PTPRN2: variants seen among roughly 807,000 people sequenced by gnomAD.
PTPRN2 encodes receptor-type tyrosine-protein phosphatase N2.
A neutral mutation model predicts 118.8 loss-of-function variants in PTPRN2; 74 were observed. That is an observed-to-expected ratio of 0.62 (90% CI 0.52 to 0.76). PTPRN2 has a LOEUF of 0.76. PTPRN2 is among the 30% of genes least tolerant of loss of function. The pLI is 0.00. For missense variants in PTPRN2, 1,481 were observed against 1,394.4 expected, an observed-to-expected ratio of 1.06 and a Z score of -0.99; for synonymous variants, 641 against 608.0, an observed-to-expected ratio of 1.05 and a Z score of -0.80.
chr7:157,992,097 C>T (rs767797306), intron 11 of PTPRN2, among the ~76,000 whole-genome samples: 1 of 152,206 alleles, frequency 6.6e-6, no homozygotes, highest in African/African-American at 2.4e-5. Context: ...ATGTGCCACC[C>T]GAGCTGTCAG....
chr7:157,853,343 G>A lies in PTPRN2; in HGVS notation c.1788+45330C>T, dbSNP rs111849195. ...GCCTTCTTCTCAACAGGCACGGCCC[G>A]CAGAGCCACTGGAGGTAAGGATCCT... is the stretch of plus-strand genomic sequence containing the variant. On this transcript the variant is annotated intron_variant, in intron 12 of 22. Transcript: ENST00000389418. Among the ~76,000 whole-genome samples the A allele has an allele frequency of 3.6e-3, 555 of 152,220 alleles. 6 individuals are homozygous for A. The highest frequency in any genetic ancestry group is 0.012 in the African/African-American group (515 of 41,524).
At chr7:157,561,381 T>A (rs539385976) in intron 21 of PTPRN2, among the ~76,000 whole-genome samples, 7 of 152,236 alleles carry the variant, frequency 4.6e-5, no homozygotes, top group Non-Finnish European at 8.8e-5. Context: ...TGGCCCTCAG[T>A]TTCCTCTTCC....
rs1412698431 is a variant in PTPRN2, at chr7:157,587,236, A to G, written c.2496+8002T>C. Among the ~76,000 whole-genome samples, 1 of 150,304 alleles carries G rather than the reference A, an allele frequency of 6.7e-6. No homozygotes were observed. The highest frequency in any genetic ancestry group is 1.5e-5 in the Non-Finnish European group (1 of 67,876). On this transcript the variant is annotated intron_variant, in intron 17 of 22. Transcript: ENST00000389418. The surrounding 1 kb of genome is among the most constrained non-coding windows in gnomAD (Gnocchi z 5.3). ...AGACAAGACACACAGGCAGACAGGC[A>G]GACAGCGAGACAGGCAGACAGACAG...
At chr7:157,752,406 G>A (rs936978332) in intron 12 of PTPRN2, among the ~76,000 whole-genome samples, 13 of 152,214 alleles carry the variant, frequency 8.5e-5, no homozygotes, top group African/African-American at 3.1e-4. Context: ...TGCTCTGGGC[G>A]AGCACGTGCC....
At chr7:157,848,526 C>T (rs891469641) in intron 12 of PTPRN2, among the ~76,000 whole-genome samples, 18 of 152,360 alleles carry the variant, frequency 1.2e-4, no homozygotes, top group African/African-American at 3.1e-4. Flanking sequence ...CCGATATTTA[C>T]GGAGCCCTCT....
intron 6 of PTPRN2, among the ~76,000 whole-genome samples, chr7:158,154,890 C>G (rs1821560155): frequency 6.6e-6 from 1 of 152,176 alleles, no homozygotes; most frequent in East Asian, 1.9e-4. Context: ...GCTGAGTTAT[C>G]TCAGAAGCAT....
Position 158,316,907 on chromosome 7 carries a change from C to T in PTPRN2, c.189G>A (p.Lys63=), listed in dbSNP as rs544792702. 5 of 1,612,556 alleles carry T rather than the reference C, an allele frequency of 3.1e-6. No homozygotes were observed. In the South Asian group the frequency reaches 5.5e-5, roughly 18 times the overall value. ...VNDGVFGRCQ[K]VPAMDFYRYE... is the part of the protein sequence containing the mutation. ...AGCGGTAAAAGTCCATTGCCGGAACCTTCTGGCACCTTCCAAACACTCCAT... is the reference window on the plus strand; with the variant it reads ...AGCGGTAAAAGTCCATTGCCGGAACTTTCTGGCACCTTCCAAACACTCCAT... Residue 63 remains lysine (K), a synonymous_variant, in exon 3 of 23, where the codon AAG becomes AAA. Coordinates refer to ENST00000389418, the MANE Select transcript of PTPRN2 (RefSeq NM_002847.5).
chr7:158,401,892 G>A (rs1405861643), intron 2 of PTPRN2, among the ~76,000 whole-genome samples: 1 of 152,092 alleles, frequency 6.6e-6, no homozygotes, highest in African/African-American at 2.4e-5. Flanking sequence ...CCATAGAGAT[G>A]TCCACACTGC....
chr7:158,146,262 C>A (rs753282476), intron 6 of PTPRN2, among the ~76,000 whole-genome samples: 2 of 152,034 alleles, frequency 1.3e-5, no homozygotes, highest in African/African-American at 4.8e-5. Flanking sequence ...CTATTTTCTG[C>A]CAAAATATTA....
intron 2 of PTPRN2, among the ~76,000 whole-genome samples, chr7:158,340,449 C>A (rs149093379): frequency 5.1e-5 from 3 of 58,412 alleles, no homozygotes; most frequent in Admixed American, 1.5e-4. Flanking sequence ...AGAGCTGACA[C>A]CCGCAGACGT....
intron 4 of PTPRN2, among the ~76,000 whole-genome samples, chr7:158,201,057 G>GTTT (rs71302094): frequency 6.8e-6 from 1 of 147,948 alleles, no homozygotes; most frequent in African/African-American, 2.5e-5. Context: ...AAAAAAAGTG[G>GTTT]TTTTTTTTTT....
chr7:157,953,805 C>T lies in PTPRN2; in HGVS notation c.1724-55068G>A, dbSNP rs78836652. 2.0e-4 allele frequency among the ~76,000 whole-genome samples: 31 copies of T among 152,076 alleles called. No individual in the cohort carries two copies. The highest frequency in any genetic ancestry group is 4.3e-4 in the Non-Finnish European group (29 of 67,984). On this transcript the variant is annotated intron_variant, in intron 11 of 22. Transcript: ENST00000389418. The surrounding 1 kb of genome is among the most constrained non-coding windows in gnomAD (Gnocchi z 4.6). ...GATCCCTCCTGAGGGTGAGGGCGAC[C>T]GAGAAAGGAATGAGGGCATAAGAGC... is the stretch of plus-strand genomic sequence containing the variant.
In PTPRN2 at chr7:157,682,763, C is replaced by A. The variant is rs1796974033; in HGVS notation, c.1963G>T (p.Gly655Trp). ...HRLKEKLSGL[G>W]GDPGADATAA... ...GTGGCATCTGCACCTGGGTCGCCCCCTAGTCCCGAGAGCTTCTCCTTCAGC... is the reference window on the plus strand; with the variant it reads ...GTGGCATCTGCACCTGGGTCGCCCCATAGTCCCGAGAGCTTCTCCTTCAGC... The change falls in exon 13 of 23, where the codon GGG becomes TGG. Residue 655 changes from glycine (G) to tryptophan (W), a missense_variant. Around this residue, in one of 3 missense-constraint regions of PTPRN2, gnomAD observed 1,115 missense variants for 994.2 expected, o/e 1.12. Transcript: ENST00000389418. The A allele has an allele frequency of 6.2e-7, 1 of 1,614,032 alleles. No homozygotes were observed. The highest frequency in any genetic ancestry group is 1.3e-5 in the African/African-American group (1 of 75,064).
chr7:158,112,614 G>A (rs1055867278), intron 9 of PTPRN2, among the ~76,000 whole-genome samples: 2 of 152,226 alleles, frequency 1.3e-5, no homozygotes, highest in Admixed American at 6.5e-5. Context: ...TGGGAGTGGT[G>A]CTGACAGAGT....
Position 157,721,786 on chromosome 7 carries a change from T to C in PTPRN2, c.1789-38849A>G, listed in dbSNP as rs76466190. Among the ~76,000 whole-genome samples the C allele has an allele frequency of 7.9e-3, 1,198 of 152,300 alleles. 14 individuals are homozygous for C. The highest frequency in any genetic ancestry group is 0.027 in the African/African-American group (1,138 of 41,566). ...TTTCTGCCTAGGGCTCCTCCTGTGC[T>C]CCTGCTCCCACCCCAGGGGCCTGGG... On this transcript the variant is annotated intron_variant, in intron 12 of 22. Coordinates refer to ENST00000389418, the MANE Select transcript of PTPRN2 (RefSeq NM_002847.5).
At chr7:158,097,419 A>T (rs893221788) in intron 10 of PTPRN2, among the ~76,000 whole-genome samples, 1 of 152,198 alleles carries the variant, frequency 6.6e-6, no homozygotes, top group Non-Finnish European at 1.5e-5. Context: ...CACACAGATG[A>T]GAAAGTAAAC....
intron 12 of PTPRN2, among the ~76,000 whole-genome samples, chr7:157,894,892 G>A (rs1014998983): frequency 6.6e-6 from 1 of 152,218 alleles, no homozygotes. Context: ...ACTCCCAGGT[G>A]GGCAATTGAC....
chr7:158,551,624 TC>T (rs1826664038), intron 1 of PTPRN2, among the ~76,000 whole-genome samples: 1 of 106,142 alleles, frequency 9.4e-6, no homozygotes, highest in Non-Finnish European at 1.9e-5. Flanking sequence ...TGCCTCCTAA[TC>T]CATTACATTG....
At chr7:157,958,955 A>G (rs1801356358) in intron 11 of PTPRN2, among the ~76,000 whole-genome samples, 1 of 152,248 alleles carries the variant, frequency 6.6e-6, no homozygotes, top group Admixed American at 6.5e-5. Flanking sequence ...AGTCTTAAAG[A>G]AAACTGGAAG....
Sources: allele counts gnomAD v4.1 joint callset (sites outside exome capture counted in the v4.1 genomes callset), GRCh38; gene constraint gnomAD v4.1.1; regional missense constraint gnomAD v4.1.1; non-coding constraint Gnocchi (gnomAD v3.1); transcripts MANE v1.5; gene names NCBI Gene and HGNC (gene_info 2026-07-23, HGNC 2026-07-21).